ERBB4: variants seen among roughly 807,000 people sequenced by gnomAD.
ERBB4 encodes receptor tyrosine-protein kinase erbB-4.
In ERBB4, 42 loss-of-function variants were observed where a neutral mutation model predicts 158.0. That is an observed-to-expected ratio of 0.27 (90% CI 0.21 to 0.34). The LOEUF (loss-of-function observed/expected upper bound fraction) is 0.34. Ranked by LOEUF, ERBB4 falls within the 10% of genes least tolerant of loss-of-function variation. The probability of loss-of-function intolerance (pLI) is 1.00; values close to 1 mark genes in which losing one functional copy is unlikely to be tolerated. For synonymous variants in ERBB4, 583 were observed against 558.7 expected, an observed-to-expected ratio of 1.04 and a Z score of -0.61; for missense variants, 1,333 against 1,624.1, an observed-to-expected ratio of 0.82 and a Z score of 3.08.
intron 3 of ERBB4, among the ~76,000 whole-genome samples, chr2:211,845,407 G>GTTATTCTCA (rs2077564974): frequency 6.6e-6 from 1 of 152,082 alleles, no homozygotes; most frequent in African/African-American, 2.4e-5. Context: ...CACCTATAGA[G>GTTATTCTCA]GACTGGCTGA....
chr2:212,445,546 T>C (rs1412290699), intron 1 of ERBB4, among the ~76,000 whole-genome samples: 1 of 152,162 alleles, frequency 6.6e-6, no homozygotes, highest in Non-Finnish European at 1.5e-5. Context: ...CAGTGTTGGC[T>C]GGGGTGACTG....
intron 4 of ERBB4, among the ~76,000 whole-genome samples, chr2:211,762,003 C>G (rs1036991092): frequency 2.6e-5 from 4 of 152,012 alleles, no homozygotes; most frequent in Non-Finnish European, 5.9e-5. Context: ...GGTAATGATA[C>G]CTACTTCACA....
At chr2:212,269,500 T>G (rs1245041861) in intron 1 of ERBB4, among the ~76,000 whole-genome samples, 2 of 151,608 alleles carry the variant, frequency 1.3e-5, no homozygotes, top group African/African-American at 4.8e-5. Context: ...TAGAAAGGAG[T>G]CTTGCAATAC....
chr2:212,505,095 T>C (rs766648958), intron 1 of ERBB4, among the ~76,000 whole-genome samples: 179 of 152,292 alleles, frequency 1.2e-3, no homozygotes, highest in Non-Finnish European at 1.8e-3. Flanking sequence ...TTTCTTTTGT[T>C]TGTTTGGTTG....
At chr2:211,580,867 A>ATT (rs1491090280) in intron 19 of ERBB4, among the ~76,000 whole-genome samples, 1 of 1,230 alleles carries the variant, frequency 8.1e-4, no homozygotes, top group Non-Finnish European at 1.8e-3. Context: ...ATGCATATAC[A>ATT]TATATATATA....
chr2:211,454,002 T>G (rs1436945483), intron 20 of ERBB4, among the ~76,000 whole-genome samples: 1 of 152,160 alleles, frequency 6.6e-6, no homozygotes, highest in Non-Finnish European at 1.5e-5. Flanking sequence ...AAATCTAATT[T>G]TCATGAGAGT....
intron 2 of ERBB4, among the ~76,000 whole-genome samples, chr2:212,031,718 TA>T (rs2076907106): frequency 6.6e-6 from 1 of 152,150 alleles, no homozygotes; most frequent in Non-Finnish European, 1.5e-5. Context: ...AACAAAAAAT[TA>T]AATGGTAACT....
intron 25 of ERBB4, among the ~76,000 whole-genome samples, chr2:211,392,204 T>A (rs191214940): frequency 3.3e-5 from 5 of 152,310 alleles, no homozygotes; most frequent in Non-Finnish European, 5.9e-5. Flanking sequence ...CAGAAAATGT[T>A]TATTGCATTA....
intron 19 of ERBB4, among the ~76,000 whole-genome samples, chr2:211,581,763 G>A (rs1377987398): frequency 6.6e-6 from 1 of 152,056 alleles, no homozygotes; most frequent in East Asian, 1.9e-4. Context: ...TGTATTCCCA[G>A]CACTTTGGGA....
intron 20 of ERBB4, among the ~76,000 whole-genome samples, chr2:211,482,207 T>C (rs1457782238): frequency 6.6e-6 from 1 of 152,216 alleles, no homozygotes; most frequent in African/African-American, 2.4e-5. Flanking sequence ...TACATGGATG[T>C]GAAGAAACTA....
chr2:212,142,432 T>C (rs2125608085), intron 1 of ERBB4, among the ~76,000 whole-genome samples: 1 of 151,810 alleles, frequency 6.6e-6, no homozygotes, highest in East Asian at 1.9e-4. Context: ...TCCTCATTCA[T>C]TATAACCCAA....
chr2:211,998,765 A>C (rs2076031818), intron 2 of ERBB4, among the ~76,000 whole-genome samples: 1 of 151,874 alleles, frequency 6.6e-6, no homozygotes, highest in Admixed American at 6.6e-5. Flanking sequence ...AAAAAATTTC[A>C]CAACCATGAT....
intron 1 of ERBB4, among the ~76,000 whole-genome samples, chr2:212,178,610 A>T (rs1250102062): frequency 6.6e-6 from 1 of 151,780 alleles, no homozygotes; most frequent in Non-Finnish European, 1.5e-5. Flanking sequence ...CTTCATGGGT[A>T]AAAATATATA....
chr2:212,446,601 A>ATATATATATATATATATG (rs2092358047), intron 1 of ERBB4, among the ~76,000 whole-genome samples: 1 of 21,848 alleles, frequency 4.6e-5, no homozygotes, highest in Non-Finnish European at 8.3e-5. Flanking sequence ...GTATATATAT[A>ATATATATATATATATATG]TATATATATA....
At chr2:211,651,369 G>A (rs1377680896) in intron 16 of ERBB4, among the ~76,000 whole-genome samples, 3 of 152,040 alleles carry the variant, frequency 2.0e-5, no homozygotes, top group Non-Finnish European at 2.9e-5. Flanking sequence ...GAATGGCACC[G>A]TCGGAAATAT....
intron 20 of ERBB4, among the ~76,000 whole-genome samples, chr2:211,527,093 A>G (rs1457097062): frequency 6.6e-6 from 1 of 152,130 alleles, no homozygotes; most frequent in Non-Finnish European, 1.5e-5. Flanking sequence ...AAGTACAAGA[A>G]GGTTACAGAA....
At chr2:211,518,636 A>G (rs2066104117) in intron 20 of ERBB4, among the ~76,000 whole-genome samples, 1 of 152,030 alleles carries the variant, frequency 6.6e-6, no homozygotes, top group African/African-American at 2.4e-5. Flanking sequence ...CCTGGGTGAC[A>G]GAGCAAGACT....
intron 1 of ERBB4, among the ~76,000 whole-genome samples, chr2:212,376,021 C>G (rs1175843419): frequency 1.3e-5 from 2 of 151,922 alleles, no homozygotes; most frequent in East Asian, 3.9e-4. Context: ...AATAAAATTC[C>G]TCTTGTTCAT....
At chr2:212,189,592 C>A (rs982142418) in intron 1 of ERBB4, among the ~76,000 whole-genome samples, 1 of 152,198 alleles carries the variant, frequency 6.6e-6, no homozygotes, top group African/African-American at 2.4e-5. Context: ...ATCTTCAACA[C>A]CCCAAATTAT....
Sources: allele counts gnomAD v4.1 joint callset (sites outside exome capture counted in the v4.1 genomes callset), GRCh38; gene constraint gnomAD v4.1.1; transcripts MANE v1.5; gene names NCBI Gene and HGNC (gene_info 2026-07-23, HGNC 2026-07-21).